Variants in MTMR6 observed in about 807,000 individuals in gnomAD.
The protein encoded by MTMR6 is phosphatidylinositol-3,5-bisphosphate 3-phosphatase MTMR6.
Under a neutral mutation model 80.1 loss-of-function variants are expected in MTMR6, and 47 were observed. The ratio of observed to expected loss-of-function variants is 0.59; its 90% CI spans 0.46 to 0.75. The LOEUF (loss-of-function observed/expected upper bound fraction) is 0.75, where lower values mean the gene tolerates loss of function less well. Ranked by LOEUF, MTMR6 falls within the 30% of genes least tolerant of loss-of-function variation. The pLI is 0.00. For synonymous variants in MTMR6, 254 were observed against 253.0 expected (o/e 1.00, Z -0.04); for missense variants, 629 against 730.9 (o/e 0.86, Z 1.61).
At chr13:25,275,881 G>GGGAGGGGAGGGGAGA (rs764276566) in intron 1 of MTMR6, among the ~76,000 whole-genome samples, 9 of 133,080 alleles carry the variant, frequency 6.8e-5, no homozygotes, top group African/African-American at 9.0e-5. Context: ...GGGAGGGGAG[G>GGGAGGGGAGGGGAGA]GGAGGGGAGG....
rs537978474 is a variant in MTMR6 at position 25,287,282 on chromosome 13, G to A, written c.-35C>T. The A allele has an allele frequency of 3.0e-5, 48 of 1,583,552 alleles. No homozygotes were observed. In the Admixed American group the frequency reaches 3.5e-4, roughly 12 times the overall value. The stretch of plus-strand genomic sequence containing the variant: ...ACGTCAGCCGGCAGCCGGTCTCACA[G>A]GCGTACCATACGGCTACAGAAACAG... On this transcript the variant is annotated 5_prime_UTR_variant, in exon 1 of 14. Coordinates refer to ENST00000381801, the MANE Select transcript of MTMR6 (RefSeq NM_004685.5).
Position 25,253,800 on chromosome 13 carries a change from A to G in MTMR6, c.1310T>C (p.Phe437Ser). 1 of 1,614,162 alleles carries G rather than the reference A, an allele frequency of 6.2e-7. No homozygotes were observed. Residue 437 changes from phenylalanine to serine, a missense_variant, in exon 11 of 14, where the codon TTC (phenylalanine) becomes TCC (serine). Physicochemically the swap from Phe to Ser is radical, Grantham distance 155 (BLOSUM62 -2). Coordinates refer to ENST00000381801, the MANE Select transcript of MTMR6 (RefSeq NM_004685.5). ...TCTTTCCTTCTGACAATTTCCAAGG[A>G]AGTTTCCAAACTGGCATGAATGAAT... is the stretch of plus-strand genomic sequence containing the variant. ...EHIHSCQFGN[F>S]LGNCQKEREE...
intron 2 of MTMR6, among the ~76,000 whole-genome samples, chr13:25,271,714 C>G (rs1957580401): frequency 6.6e-6 from 1 of 152,202 alleles, no homozygotes; most frequent in Non-Finnish European, 1.5e-5. Context: ...CAATATCTTT[C>G]AGCACTAGAA....
intron 1 of MTMR6, among the ~76,000 whole-genome samples, chr13:25,278,144 C>T (rs548275065): frequency 6.6e-6 from 1 of 152,312 alleles, no homozygotes; most frequent in Non-Finnish European, 1.5e-5. Flanking sequence ...GACATTTCTT[C>T]TAACTTTAAC....
intron 2 of MTMR6, among the ~76,000 whole-genome samples, chr13:25,269,584 C>A (rs913481604): frequency 3.3e-5 from 5 of 152,004 alleles, no homozygotes; most frequent in Non-Finnish European, 7.4e-5. Context: ...AAAAATTCAA[C>A]ATAAATTTCA....
Position 25,287,266 on chromosome 13 carries a change from G to T in MTMR6, c.-19C>A, listed in dbSNP as rs771189132. The T allele has an allele frequency of 6.3e-7, 1 of 1,589,362 alleles. No homozygotes were observed. Among genetic ancestry groups the T allele is most frequent in the South Asian group, 1.1e-5 (1 of 87,968 alleles). On this transcript the variant is annotated 5_prime_UTR_variant, in exon 1 of 14. Transcript: ENST00000381801. ...GCTCCATCGCAAGGAGACGTCAGCC[G>T]GCAGCCGGTCTCACAGGCGTACCAT...
At chr13:25,280,523 C>T (rs553686406) in intron 1 of MTMR6, among the ~76,000 whole-genome samples, 1 of 152,264 alleles carries the variant, frequency 6.6e-6, no homozygotes, top group East Asian at 1.9e-4. Context: ...AAATTTCAAA[C>T]CACAGACTTA....
chr13:25,256,331 C>A (rs745309254), intron 9 of MTMR6, among the ~76,000 whole-genome samples: 1 of 152,162 alleles, frequency 6.6e-6, no homozygotes, highest in African/African-American at 2.4e-5. Flanking sequence ...TATTCCTTAT[C>A]GTACACTCTC....
Position 25,251,895 on chromosome 13 carries a change from C to T in MTMR6, c.1436G>A (p.Arg479Lys), listed in dbSNP as rs201709535. The T allele has an allele frequency of 3.7e-6, 6 of 1,607,516 alleles. No individual in the cohort carries two copies. In the East Asian group the frequency reaches 1.1e-4, roughly 30 times the overall value. ...TGTATTTGGCTCCAAAACTGTAAAT[C>T]TGTGAGATTCGGAACTGTAGAGAGG... is the stretch of plus-strand genomic sequence containing the variant. ...LNPLYSSESH[R>K]FTVLEPNTVS... is the part of the protein sequence containing the mutation. Residue 479 changes from arginine to lysine, a missense_variant, in exon 12 of 14, where the codon AGA (arginine) becomes AAA (lysine). By Grantham distance (26) the Arg-to-Lys change is conservative. Coordinates refer to ENST00000381801, the MANE Select transcript of MTMR6 (RefSeq NM_004685.5). This position sits in a 1 kb window ranked among gnomAD's most constrained non-coding sequence, Gnocchi z 4.1.
chr13:25,284,879 T>C (rs564484419), intron 1 of MTMR6, among the ~76,000 whole-genome samples: 4 of 152,364 alleles, frequency 2.6e-5, no homozygotes, highest in Non-Finnish European at 5.9e-5. Context: ...CAATACAGTG[T>C]CTGGCACATA....
intron 1 of MTMR6, among the ~76,000 whole-genome samples, chr13:25,282,116 C>A (rs997350992): frequency 3.3e-5 from 5 of 152,152 alleles, no homozygotes; most frequent in African/African-American, 1.2e-4. Context: ...ACCAGGCATG[C>A]CCTCAAAGGG....
At chr13:25,283,518 G>A (rs1281163794) in intron 1 of MTMR6, among the ~76,000 whole-genome samples, 4 of 152,020 alleles carry the variant, frequency 2.6e-5, no homozygotes, top group Non-Finnish European at 5.9e-5. Context: ...TCAGAGGGAA[G>A]GTATATTTGT....
In MTMR6 at chr13:25,266,254, T is replaced by C; in HGVS notation, c.337A>G (p.Asn113Asp). 2 of 1,612,876 alleles carry C rather than the reference T, an allele frequency of 1.2e-6. No individual in the cohort carries two copies. Among genetic ancestry groups the C allele is most frequent in the Non-Finnish European group, 1.7e-6 (2 of 1,179,018 alleles). The change falls in exon 4 of 14, where the codon AAT becomes GAT. Residue 113 changes from asparagine to aspartate, a missense_variant. Transcript: ENST00000381801. ...KYEDLYAFSYNPKQNDSERLQ... is the reference protein window; with the variant it reads ...KYEDLYAFSYDPKQNDSERLQ... ...CGTTCTGAATCATTTTGTTTGGGAT[T>C]ATAAGAAAATGCATAGAGATCTTCA...
intron 1 of MTMR6, among the ~76,000 whole-genome samples, chr13:25,280,466 A>G (rs1241750167): frequency 1.3e-5 from 2 of 152,200 alleles, no homozygotes; most frequent in African/African-American, 2.4e-5. Flanking sequence ...CCTCACCCCT[A>G]AGGAGGGGAA....
In MTMR6 at chr13:25,287,448, G is replaced by T. The variant is rs778814486; in HGVS notation, c.-201C>A. On this transcript the variant is annotated 5_prime_UTR_variant, in exon 1 of 14. Coordinates refer to ENST00000381801, the MANE Select transcript of MTMR6 (RefSeq NM_004685.5). ...CTAGAAACACTTCCCCAAACCCCGC[G>T]GCCTCCCGGGGGACTCGGGGCAGGC... 2 of 639,266 alleles carry T rather than the reference G, an allele frequency of 3.1e-6. No individual in the cohort carries two copies. The highest frequency in any genetic ancestry group is 1.8e-5 in the South Asian group (1 of 55,100). The allele number at this position is 639,266 out of a possible 1,614,324, so 39.6% of individuals were successfully genotyped here.
chr13:25,287,434 T>A lies in MTMR6; in HGVS notation c.-187A>T. On this transcript the variant is annotated 5_prime_UTR_variant, in exon 1 of 14. Transcript: ENST00000381801. ...GTGAGCGCCGTCTCCTAGAAACACT[T>A]CCCCAAACCCCGCGGCCTCCCGGGG... The A allele has an allele frequency of 1.4e-6, 1 of 706,798 alleles. No individual in the cohort carries two copies. The highest frequency in any genetic ancestry group is 2.4e-6 in the Non-Finnish European group (1 of 418,648). The allele number at this position is 706,798 out of a possible 1,614,324, so 43.8% of individuals were successfully genotyped here.
At position 25,283,396 on chromosome 13, in the gene MTMR6, A is replaced by G. The variant is rs1335245131; in HGVS notation, c.24+3828T>C. On this transcript the variant is annotated intron_variant, in intron 1 of 13. Transcript: ENST00000381801. Reference sequence around the variant, plus strand: ...CAAAACAACACTTTACTTGGAAAAAAGCATTCAGGTGCTCCTCAAAACCTA... The same window carrying G: ...CAAAACAACACTTTACTTGGAAAAAGGCATTCAGGTGCTCCTCAAAACCTA... Among the ~76,000 whole-genome samples, 7 of 152,356 alleles carry G rather than the reference A, an allele frequency of 4.6e-5. 1 individual carries two copies. The East Asian group carries it at 1.3e-3, about 29-fold the overall frequency.
In MTMR6 at chr13:25,253,771, C is replaced by T; in HGVS notation, c.1339G>A (p.Glu447Lys). ...TTAATTGAATCATCTTACTTGAGCTCTTCTCTTTCCTTCTGACAATTTCCA... is the reference window on the plus strand; with the variant it reads ...TTAATTGAATCATCTTACTTGAGCTTTTCTCTTTCCTTCTGACAATTTCCA... Reference protein sequence around the residue: ...FLGNCQKEREELKLKEKTYSL... With the variant: ...FLGNCQKEREKLKLKEKTYSL... Residue 447 changes from glutamate (E) to lysine (K), a missense_variant, in exon 11 of 14, where the codon GAG (glutamate) becomes AAG (lysine). Physicochemically the swap from Glu to Lys is moderately conservative, Grantham distance 56. Transcript: ENST00000381801. 1 of 1,613,850 alleles carries T rather than the reference C, an allele frequency of 6.2e-7. No individual in the cohort carries two copies. Among genetic ancestry groups the T allele is most frequent in the Non-Finnish European group, 8.5e-7 (1 of 1,179,876 alleles).
chr13:25,254,494 G>A lies in MTMR6; in HGVS notation c.1096-60C>T, dbSNP rs1276673947. 3.6e-6 allele frequency: 4 copies of A among 1,118,220 alleles called. No homozygotes were observed. The East Asian group carries it at 7.4e-5, about 21-fold the overall frequency. The allele number at this position is 1,118,220 out of a possible 1,614,324, so 69.3% of individuals were successfully genotyped here. Reference sequence around the variant, plus strand: ...ACTTTCAATTATTTTGTTTAGGCTGGATTAAATCTTATTAGTTTAAAAACA... The same window carrying A: ...ACTTTCAATTATTTTGTTTAGGCTGAATTAAATCTTATTAGTTTAAAAACA... On this transcript the variant is annotated intron_variant, in intron 9 of 13. Transcript: ENST00000381801.
Sources: gnomAD v4.1 joint callset for allele counts (sites outside exome capture counted in the v4.1 genomes callset) on GRCh38, gnomAD v4.1.1 for gene constraint, Gnocchi (gnomAD v3.1) non-coding constraint, MANE v1.5 for transcripts, NCBI Gene and HGNC (gene_info 2026-07-23, HGNC 2026-07-21) for gene names.